Variants in PCNT observed in about 807,000 individuals in gnomAD.
PCNT encodes the protein kendrin.
A neutral mutation model predicts 380.4 loss-of-function variants in PCNT; 319 were observed. The observed-to-expected ratio is 0.84, with a 90% CI of 0.77 to 0.92. PCNT has a LOEUF of 0.92. Ranked by LOEUF, PCNT falls within the 40% of genes least tolerant of loss-of-function variation. The pLI, the probability that PCNT is intolerant of heterozygous loss-of-function variation, is 0.00. For synonymous variants in PCNT, 1,845 were observed against 1,735.2 expected (o/e 1.06, Z -1.57); for missense variants, 4,400 against 4,255.3 (o/e 1.03, Z -0.95).
At chr21:46,328,002 A>G (rs1310692322) in intron 2 of PCNT, among the ~76,000 whole-genome samples, 2 of 152,166 alleles carry the variant, frequency 1.3e-5, no homozygotes, top group African/African-American at 4.8e-5. Context: ...TTTTGTATGA[A>G]TTATGAACGA....
In PCNT at chr21:46,351,489, C is replaced by T. The variant is rs1178276318; in HGVS notation, c.1405C>T (p.Arg469Cys). Residue 469 changes from arginine (R) to cysteine (C), a missense_variant, in exon 9 of 47, where the codon CGC becomes TGC. Physicochemically the swap from Arg to Cys is radical, Grantham distance 180 (BLOSUM62 -3). Transcript: ENST00000359568. ...LKAQSQEEIR[R>C]LWSQLDSART... ...GGCACAATCACAAGAAGAGATCAGG[C>T]GCTTGTGGTCCCAGCTTGATTCTGC... 1.3e-5 allele frequency: 21 copies of T among 1,613,068 alleles called. No homozygotes were observed. Among genetic ancestry groups the T allele is most frequent in the Non-Finnish European group, 1.7e-5 (20 of 1,179,162 alleles).
chr21:46,337,422 A>C (rs1192680222), intron 3 of PCNT, among the ~76,000 whole-genome samples: 1 of 152,122 alleles, frequency 6.6e-6, no homozygotes, highest in African/African-American at 2.4e-5. Context: ...GTTTCCAGTC[A>C]CAACTGTTTT....
chr21:46,416,990 G>T, intron 30 of PCNT, 151 bp downstream of exon 30: 1 of 702,148 alleles, frequency 1.4e-6, no homozygotes, highest in Non-Finnish European at 2.3e-6. Context: ...CATCATGGGC[G>T]CATTTAGATT....
At chr21:46,324,753 C>G (rs2083309036) in intron 1 of PCNT, 1 of 461,928 alleles carries the variant, frequency 2.2e-6, no homozygotes, top group Non-Finnish European at 2.8e-6. Context: ...GGCCGGTATT[C>G]GGGTGGCTGC....
At chr21:46,444,862 C>T in intron 46 of PCNT, 41 bp downstream of exon 46, 1 of 1,597,686 alleles carries the variant, frequency 6.3e-7, no homozygotes, top group Non-Finnish European at 8.6e-7. Flanking sequence ...AGCTGATTAT[C>T]ACTGTACCCT....
Position 46,432,239 on chromosome 21 carries a change from C to T in PCNT, c.8751+24C>T, listed in dbSNP as rs551357182. 2.7e-3 allele frequency: 4,253 copies of T among 1,586,520 alleles called. 14 individuals carry two copies. Among genetic ancestry groups the T allele is most frequent in the Non-Finnish European group, 3.4e-3 (3,995 of 1,166,190 alleles). On this transcript the variant is annotated intron_variant, in intron 38 of 46. Coordinates refer to ENST00000359568, the MANE Select transcript of PCNT (RefSeq NM_006031.6). ...TGGTGAGAGCCGCCTGCCGGCGGAG[C>T]GTCCACACCTAAAAACGATAAGCAA...
chr21:46,411,575 G>GT lies in PCNT; in HGVS notation c.5502_5503insT (p.Leu1835SerfsTer3), dbSNP rs2086786050. The stretch of plus-strand genomic sequence containing the variant: ...GCGCAGAGGAGGCTGCGGAGCTACA[G>GT]CTGGCTGAGCTGGAGCGCAATGTAG... On this transcript the variant is annotated frameshift_variant, in exon 28 of 47. Coordinates refer to ENST00000359568, the MANE Select transcript of PCNT (RefSeq NM_006031.6). LOFTEE classifies it high-confidence loss of function. 2 of 1,612,854 alleles carry GT rather than the reference G, an allele frequency of 1.2e-6. No homozygotes were observed. The highest frequency in any genetic ancestry group is 1.7e-6 in the Non-Finnish European group (2 of 1,179,776).
chr21:46,401,531 A>T lies in PCNT; in HGVS notation c.4792-20A>T. On this transcript the variant is annotated intron_variant, in intron 25 of 46. Coordinates refer to ENST00000359568, the MANE Select transcript of PCNT (RefSeq NM_006031.6). ...ATTCCCAAATATTTGCCTAAAATAG[A>T]GTTCTTTTTTTTTTAATAGGATAAA... 1 of 1,599,408 alleles carries T rather than the reference A, an allele frequency of 6.3e-7. No homozygotes were observed. The highest frequency in any genetic ancestry group is 1.7e-4 in the Middle Eastern group (1 of 6,034).
intron 40 of PCNT, 152 bp downstream of exon 40, chr21:46,437,233 G>T: frequency 1.6e-6 from 1 of 639,312 alleles, no homozygotes; most frequent in Admixed American, 2.5e-5. Flanking sequence ...TGAGTGGGTG[G>T]GGTCGACCCT....
chr21:46,368,549 G>C (rs1281743423), intron 15 of PCNT, among the ~76,000 whole-genome samples: 1 of 152,242 alleles, frequency 6.6e-6, no homozygotes, highest in African/African-American at 2.4e-5. Flanking sequence ...GCTGGCGCCT[G>C]ACTGCAGAAG....
intron 3 of PCNT, among the ~76,000 whole-genome samples, chr21:46,342,410 A>G (rs1419877032): frequency 1.3e-5 from 2 of 152,114 alleles, no homozygotes; most frequent in Admixed American, 6.5e-5. Flanking sequence ...CCTGGTCTCC[A>G]TACTGTATTT....
chr21:46,435,841 C>G, intron 38 of PCNT, 63 bp from the exon 39 acceptor site: 1 of 1,607,450 alleles, frequency 6.2e-7, no homozygotes, highest in South Asian at 1.1e-5. Flanking sequence ...CGCGCCCGGC[C>G]GGCAGTTTTG....
At position 46,355,577 on chromosome 21, in the gene PCNT, A is replaced by T. The variant is rs1569190001; in HGVS notation, c.1887A>T (p.Ser629=). ...HVSDRCCVET[S]ALGHEWRLEP... is the part of the protein sequence containing the mutation. ...CAGACAGATGCTGCGTAGAGACTTC[A>T]GCATTGGGACACGAGTGGCGTCTGG... is the stretch of plus-strand genomic sequence containing the variant. The change falls in exon 12 of 47, where the codon TCA becomes TCT. Residue 629 remains serine (S), a synonymous_variant. Transcript: ENST00000359568. 1 of 1,614,110 alleles carries T rather than the reference A, an allele frequency of 6.2e-7. No individual in the cohort carries two copies. The highest frequency in any genetic ancestry group is 8.5e-7 in the Non-Finnish European group (1 of 1,180,008).
At chr21:46,439,988 C>T (rs2053563580) in intron 41 of PCNT, 95 bp from the exon 42 acceptor site, 2 of 1,508,406 alleles carry the variant, frequency 1.3e-6, no homozygotes, top group African/African-American at 1.4e-5. Context: ...CCTCCCCGCA[C>T]ATGGCCTTCT....
intron 30 of PCNT, among the ~76,000 whole-genome samples, chr21:46,417,184 C>CTTTTTTTTTTTTT (rs71318076): frequency 4.1e-5 from 3 of 73,344 alleles, no homozygotes; most frequent in Admixed American, 2.1e-4. Flanking sequence ...GGAATGCTTC[C>CTTTTTTTTTTTTT]TTTTTTTTTT....
At chr21:46,417,755 T>C (rs1252749377) in intron 30 of PCNT, among the ~76,000 whole-genome samples, 1 of 151,706 alleles carries the variant, frequency 6.6e-6, no homozygotes, top group Non-Finnish European at 1.5e-5. Context: ...ACACAAAAAA[T>C]TAGCTGGGCG....
intron 32 of PCNT, 141 bp downstream of exon 32, chr21:46,422,265 C>G: frequency 9.0e-7 from 1 of 1,111,726 alleles, no homozygotes; most frequent in South Asian, 1.3e-5. Context: ...ATTTTAATGA[C>G]TCACGGGAGG....
In PCNT at chr21:46,422,526, C is replaced by A. The variant is rs148505828; in HGVS notation, c.7179+402C>A. On this transcript the variant is annotated intron_variant, in intron 32 of 46. Transcript: ENST00000359568. ...TTCTCTTCAGACGATGGGAGAGAAG[C>A]CACTCAGCCTCCTTGGAATCAACCT... Among the ~76,000 whole-genome samples, 313 of 152,322 alleles carry A rather than the reference C, an allele frequency of 2.1e-3. 2 individuals are homozygous for A. Among genetic ancestry groups the A allele is most frequent in the African/African-American group, 7.2e-3 (298 of 41,560 alleles).
At chr21:46,393,972 C>T (rs192947560) in intron 21 of PCNT, among the ~76,000 whole-genome samples, 1 of 152,210 alleles carries the variant, frequency 6.6e-6, no homozygotes, top group East Asian at 1.9e-4. Flanking sequence ...TCTCATGGAG[C>T]CCTTTCGCAG....
Sources: allele counts gnomAD v4.1 joint callset (sites outside exome capture counted in the v4.1 genomes callset), GRCh38; gene constraint gnomAD v4.1.1; transcripts MANE v1.5; gene names NCBI Gene and HGNC (gene_info 2026-07-23, HGNC 2026-07-21).